Variants in FOXP2 observed in about 807,000 individuals in gnomAD.
The protein encoded by FOXP2 is forkhead box protein P2.
Under a neutral mutation model 115.8 loss-of-function variants are expected in FOXP2, and 12 were observed. The ratio of observed to expected loss-of-function variants is 0.10; its 90% CI spans 0.07 to 0.17. FOXP2 has a LOEUF of 0.17. Ranked by LOEUF, FOXP2 falls within the 10% of genes least tolerant of loss-of-function variation. The pLI is 1.00. For synonymous variants in FOXP2, 328 were observed against 297.7 expected (o/e 1.10, Z -1.05); for missense variants, 629 against 843.5 (o/e 0.75, Z 3.15).
chr7:114,362,432 A>G (rs1168005341), intron 2 of FOXP2, among the ~76,000 whole-genome samples: 2 of 152,080 alleles, frequency 1.3e-5, no homozygotes, highest in Admixed American at 6.6e-5. Flanking sequence ...AAAAACAAAA[A>G]CATGTTTCAG....
At chr7:114,589,913 GT>G (rs201814105) in intron 3 of FOXP2, among the ~76,000 whole-genome samples, 1 of 151,718 alleles carries the variant, frequency 6.6e-6, no homozygotes, top group Non-Finnish European at 1.5e-5. Context: ...TTTTGTTTTT[GT>G]TTTTTTCCAG....
intron 16 of FOXP2, among the ~76,000 whole-genome samples, chr7:114,687,944 T>C (rs754294409): frequency 2.0e-5 from 3 of 152,078 alleles, no homozygotes; most frequent in Non-Finnish European, 4.4e-5. Flanking sequence ...TAGCCTCTTA[T>C]ATCAAATATT....
At chr7:114,552,325 C>T (rs1222816532) in intron 3 of FOXP2, among the ~76,000 whole-genome samples, 3 of 152,156 alleles carry the variant, frequency 2.0e-5, no homozygotes, top group Non-Finnish European at 4.4e-5. Context: ...TTTGACTCCA[C>T]CATTTACTGA....
intron 1 of FOXP2, chr7:114,087,899 GA>G (rs1799456946): frequency 6.6e-6 from 1 of 152,226 alleles, no homozygotes; most frequent in African/African-American, 2.4e-5. Flanking sequence ...AACGTGAGGG[GA>G]AGAACGGGTG....
At chr7:114,183,160 A>T (rs1410880980) in intron 1 of FOXP2, among the ~76,000 whole-genome samples, 2 of 152,106 alleles carry the variant, frequency 1.3e-5, no homozygotes, top group African/African-American at 2.4e-5. Flanking sequence ...CTTTTTTGAG[A>T]AGTTGTTTAG....
At chr7:114,099,869 TG>T (rs1799739146) in intron 1 of FOXP2, among the ~76,000 whole-genome samples, 1 of 152,144 alleles carries the variant, frequency 6.6e-6, no homozygotes, top group Non-Finnish European at 1.5e-5. Context: ...ATGAGGGTTT[TG>T]GGTAATAAAA....
intron 1 of FOXP2, among the ~76,000 whole-genome samples, chr7:114,114,418 A>G (rs964136657): frequency 6.6e-6 from 1 of 152,022 alleles, no homozygotes; most frequent in Non-Finnish European, 1.5e-5. Flanking sequence ...CGTTCCAGCA[A>G]CAGATTTTCT....
chr7:114,468,932 C>T (rs1038347609), intron 2 of FOXP2, among the ~76,000 whole-genome samples: 2 of 152,064 alleles, frequency 1.3e-5, no homozygotes, highest in African/African-American at 4.8e-5. Context: ...GAAAATTGTT[C>T]TTTCTGCTTT....
intron 2 of FOXP2, among the ~76,000 whole-genome samples, chr7:114,523,062 A>G (rs962654308): frequency 3.9e-5 from 6 of 152,174 alleles, no homozygotes; most frequent in Middle Eastern, 3.4e-3. Context: ...TCAAATTATT[A>G]TAATATTTCA....
chr7:114,496,144 T>C (rs536756222), intron 2 of FOXP2, among the ~76,000 whole-genome samples: 4 of 152,266 alleles, frequency 2.6e-5, no homozygotes, highest in Admixed American at 2.6e-4. Context: ...AAATCTATAA[T>C]AATCCTAGTA....
At chr7:114,109,116 G>T (rs1443381923) in intron 1 of FOXP2, among the ~76,000 whole-genome samples, 2 of 151,828 alleles carry the variant, frequency 1.3e-5, no homozygotes, top group Non-Finnish European at 2.9e-5. Context: ...AGATTTTATT[G>T]TTGTCTTGTA....
rs776966569 is a variant in FOXP2, at chr7:114,658,198, G to A, written c.1399G>A (p.Ala467Thr). The change falls in exon 11 of 17, where the codon GCC becomes ACC. Residue 467 changes from alanine to threonine, a missense_variant. Ala to Thr is a moderately conservative substitution (Grantham distance 58, BLOSUM62 0). Transcript: ENST00000350908. ...ITQGPSVITP[A>T]SVPNVGAIRR... ...CCAGGGACCCTCAGTAATCACCCCAGCCAGTGTGCCCAATGTGGGAGCCAT... is the reference window on the plus strand; with the variant it reads ...CCAGGGACCCTCAGTAATCACCCCAACCAGTGTGCCCAATGTGGGAGCCAT... 1 of 1,613,772 alleles carries A rather than the reference G, an allele frequency of 6.2e-7. No individual in the cohort carries two copies. The highest frequency in any genetic ancestry group is 8.5e-7 in the Non-Finnish European group (1 of 1,179,854).
intron 1 of FOXP2, among the ~76,000 whole-genome samples, chr7:114,125,848 T>A (rs2129144448): frequency 6.6e-6 from 1 of 152,288 alleles, no homozygotes; most frequent in African/African-American, 2.4e-5. Flanking sequence ...ACATTGTTGT[T>A]CTTACTGCAT....
rs188966367 is a variant in FOXP2 at position 114,155,423 on chromosome 7, T to A, written c.-246-7521T>A. ...CTCTAGTATAGCATCACATGACAGA[T>A]AGCAGACCCTTAAAATAATTAAAGT... On this transcript the variant is annotated intron_variant, in intron 1 of 19. Transcript: ENST00000635638. 4.6e-5 allele frequency among the ~76,000 whole-genome samples: 7 copies of A among 152,230 alleles called. No individual in the cohort carries two copies. In the East Asian group the frequency reaches 7.7e-4, roughly 17 times the overall value.
intron 3 of FOXP2, among the ~76,000 whole-genome samples, chr7:114,615,077 G>T (rs1479992186): frequency 2.0e-5 from 3 of 152,086 alleles, no homozygotes; most frequent in Non-Finnish European, 4.4e-5. Context: ...AAATTAGCCA[G>T]GCGTGGTGGT....
chr7:114,388,350 T>C (rs1302272605), intron 2 of FOXP2, among the ~76,000 whole-genome samples: 2 of 151,848 alleles, frequency 1.3e-5, no homozygotes, highest in Admixed American at 1.3e-4. Context: ...TGGCAGTTTG[T>C]GCCATCTGAA....
upstream of FOXP2, among the ~76,000 whole-genome samples, chr7:114,410,344 A>C (rs773750956): frequency 1.1e-4 from 16 of 152,146 alleles, no homozygotes; most frequent in Non-Finnish European, 2.1e-4. Flanking sequence ...TATTCTGTAA[A>C]TAAAGTTTAT....
intron 1 of FOXP2, among the ~76,000 whole-genome samples, chr7:114,221,606 A>G (rs954648737): frequency 5.3e-5 from 8 of 151,872 alleles, no homozygotes; most frequent in Non-Finnish European, 7.4e-5. Flanking sequence ...GATGTCCTCC[A>G]TACTGCACTT....
intron 2 of FOXP2, among the ~76,000 whole-genome samples, chr7:114,386,183 G>A (rs925363521): frequency 2.6e-5 from 4 of 152,172 alleles, no homozygotes; most frequent in African/African-American, 9.6e-5. Flanking sequence ...GTGGTGGATG[G>A]TGAGCGAAAG....
Sources: allele counts gnomAD v4.1 joint callset (sites outside exome capture counted in the v4.1 genomes callset), GRCh38; gene constraint gnomAD v4.1.1; transcripts MANE v1.5; gene names NCBI Gene and HGNC (gene_info 2026-07-23, HGNC 2026-07-21).